FBN1: variants seen among roughly 807,000 people sequenced by gnomAD.
FBN1 encodes fibrillin 1, also known as fibrillin-1.
FBN1 carries 29 observed loss-of-function variants against 365.1 expected under a neutral mutation model. The observed-to-expected ratio is 0.08, with a 90% CI of 0.06 to 0.11. The LOEUF (loss-of-function observed/expected upper bound fraction) is 0.11. Among genes scored for constraint, FBN1 ranks in the 10% least tolerant of loss-of-function variants. The pLI is 1.00. For missense variants in FBN1, 2,476 were observed against 3,703.2 expected (o/e 0.67, Z 8.60); for synonymous variants, 1,210 against 1,270.5 (o/e 0.95, Z 1.01).
At chr15:48,635,663 A>G (rs1019147736) in intron 2 of FBN1, among the ~76,000 whole-genome samples, 1 of 152,238 alleles carries the variant, frequency 6.6e-6, no homozygotes, top group Non-Finnish European at 1.5e-5. Context: ...TGCCCATTAA[A>G]TTTATTTCAT....
intron 3 of FBN1, among the ~76,000 whole-genome samples, chr15:48,612,180 G>C (rs542468709): frequency 6.6e-6 from 1 of 152,248 alleles, no homozygotes; most frequent in East Asian, 1.9e-4. Context: ...CAAGAATTGA[G>C]AAACAGTTAA....
intron 9 of FBN1, among the ~76,000 whole-genome samples, chr15:48,521,105 A>T (rs2141336739): frequency 6.6e-6 from 1 of 152,378 alleles, no homozygotes; most frequent in Middle Eastern, 3.4e-3. Flanking sequence ...ATAGGAAAAG[A>T]GAGACTAAGA....
chr15:48,560,570 T>G (rs2044215591), intron 6 of FBN1, among the ~76,000 whole-genome samples: 1 of 152,158 alleles, frequency 6.6e-6, no homozygotes, highest in Admixed American at 6.6e-5. Context: ...TGATATGAGA[T>G]CTGGTATATT....
intron 36 of FBN1, 107 bp downstream of exon 36, chr15:48,470,527 G>GCTTTT: frequency 2.1e-6 from 3 of 1,459,720 alleles, no homozygotes; most frequent in Non-Finnish European, 2.9e-6. Flanking sequence ...CTTCCCCCTT[G>GCTTTT]CTTTTCTTGT....
intron 2 of FBN1, among the ~76,000 whole-genome samples, chr15:48,634,456 T>C (rs936260813): frequency 2.0e-5 from 3 of 152,128 alleles, no homozygotes; most frequent in Non-Finnish European, 4.4e-5. Flanking sequence ...CATCAATCTC[T>C]TTCAAAACCC....
At chr15:48,590,629 T>C (rs1370235927) in intron 6 of FBN1, among the ~76,000 whole-genome samples, 1 of 152,250 alleles carries the variant, frequency 6.6e-6, no homozygotes, top group African/African-American at 2.4e-5. Context: ...TTTGTTCTAT[T>C]CTGTTTCATT....
intron 9 of FBN1, among the ~76,000 whole-genome samples, chr15:48,522,348 TTTA>T (rs1458024284): frequency 6.6e-6 from 1 of 152,138 alleles, no homozygotes; most frequent in African/African-American, 2.4e-5. Context: ...TATAATACAC[TTTA>T]TTGTGTATAA....
At chr15:48,574,449 A>G (rs2044329760) in intron 6 of FBN1, among the ~76,000 whole-genome samples, 1 of 152,174 alleles carries the variant, frequency 6.6e-6, no homozygotes, top group Admixed American at 6.5e-5. Flanking sequence ...TGCTGCTTCC[A>G]GGTTGTAAAT....
intron 4 of FBN1, among the ~76,000 whole-genome samples, chr15:48,601,394 C>G (rs954517386): frequency 6.6e-6 from 1 of 152,218 alleles, no homozygotes; most frequent in Non-Finnish European, 1.5e-5. Flanking sequence ...TACCTGCCTA[C>G]ACATGGAGGC....
At chr15:48,499,892 A>G (rs972724826) in intron 17 of FBN1, among the ~76,000 whole-genome samples, 1 of 152,214 alleles carries the variant, frequency 6.6e-6, no homozygotes, top group Admixed American at 6.5e-5. Flanking sequence ...AAGTGGAAGG[A>G]GAACTGGATA....
Position 48,520,675 on chromosome 15 carries a change from A to G in FBN1, c.1131T>C (p.Cys377=), listed in dbSNP as rs769211348. The change falls in exon 10 of 66, where the codon TGT becomes TGC. Residue 377 remains cysteine (C), a synonymous_variant. Transcript: ENST00000316623. Reference sequence around the variant, plus strand: ...GGCTCTTACCGGTTGCTCTGATGGGACACATCTCAGGGGCGACAGTGACCC... The same window carrying G: ...GGCTCTTACCGGTTGCTCTGATGGGGCACATCTCAGGGGCGACAGTGACCC... The part of the protein sequence containing the change: ...SPGVTVAPEM[C]PIRATEDFNK... The G allele has an allele frequency of 7.4e-6, 12 of 1,613,942 alleles. No individual in the cohort carries two copies. The highest frequency in any genetic ancestry group is 1.3e-5 in the African/African-American group (1 of 74,886).
chr15:48,550,555 C>T (rs1178589885), intron 6 of FBN1, among the ~76,000 whole-genome samples: 1 of 152,142 alleles, frequency 6.6e-6, no homozygotes, highest in East Asian at 1.9e-4. Flanking sequence ...CTGGAGTGAA[C>T]CTAACTTCAG....
intron 6 of FBN1, among the ~76,000 whole-genome samples, chr15:48,540,276 A>G (rs1307285444): frequency 6.6e-6 from 1 of 152,206 alleles, no homozygotes; most frequent in Non-Finnish European, 1.5e-5. Context: ...AACAAATGTA[A>G]TTACACCTAA....
chr15:48,548,414 T>C lies in FBN1; in HGVS notation c.539-10606A>G, dbSNP rs181299735. The stretch of plus-strand genomic sequence containing the variant: ...GATGTGAAGAGTTAAATCTTAATAC[T>C]ATCCCATGGGCAGATAGGCCACTCT... On this transcript the variant is annotated intron_variant, in intron 6 of 65. Coordinates refer to ENST00000316623, the MANE Select transcript of FBN1 (RefSeq NM_000138.5). Among the ~76,000 whole-genome samples, 174 of 152,336 alleles carry C rather than the reference T, an allele frequency of 1.1e-3. 2 individuals are homozygous for C. Among genetic ancestry groups the C allele is most frequent in the Admixed American group, 1.2e-3 (19 of 15,302 alleles).
At chr15:48,581,221 C>T (rs1228382597) in intron 6 of FBN1, among the ~76,000 whole-genome samples, 1 of 152,190 alleles carries the variant, frequency 6.6e-6, no homozygotes, top group Non-Finnish European at 1.5e-5. Context: ...GGGGCTCATG[C>T]TCTCAGAGGA....
At chr15:48,412,782 T>C (rs192417383) in intron 64 of FBN1, 39 bp from the exon 65 acceptor site, 729 of 1,611,940 alleles carry the variant, frequency 4.5e-4, no homozygotes, top group Non-Finnish European at 6.0e-4. Context: ...TTCATTAGAA[T>C]GGGAAGACAA....
At chr15:48,627,234 G>A (rs1289894334) in intron 2 of FBN1, among the ~76,000 whole-genome samples, 1 of 152,116 alleles carries the variant, frequency 6.6e-6, no homozygotes, top group Non-Finnish European at 1.5e-5. Flanking sequence ...CAGTGTTTTG[G>A]AAGTGTATTA....
chr15:48,569,390 T>C (rs550694282), intron 6 of FBN1, among the ~76,000 whole-genome samples: 2 of 152,244 alleles, frequency 1.3e-5, no homozygotes, highest in Admixed American at 1.3e-4. Flanking sequence ...ATGGTACAGC[T>C]ACCTTGGAAA....
At chr15:48,551,266 C>A (rs2044139377) in intron 6 of FBN1, among the ~76,000 whole-genome samples, 1 of 152,138 alleles carries the variant, frequency 6.6e-6, no homozygotes, top group South Asian at 2.1e-4. Flanking sequence ...TCCTCCCACA[C>A]ATACCATGGG....
Sources: gnomAD v4.1 joint callset for allele counts (sites outside exome capture counted in the v4.1 genomes callset) on GRCh38, gnomAD v4.1.1 for gene constraint, MANE v1.5 for transcripts, NCBI Gene and HGNC (gene_info 2026-07-23, HGNC 2026-07-21) for gene names.